FSTL5: variants seen among roughly 807,000 people sequenced by gnomAD.
The protein encoded by FSTL5 is follistatin like 5.
A neutral mutation model predicts 89.1 loss-of-function variants in FSTL5; 62 were observed. The ratio of observed to expected loss-of-function variants is 0.70; its 90% confidence interval spans 0.57 to 0.86. The LOEUF (loss-of-function observed/expected upper bound fraction) is 0.86, where lower values mean the gene tolerates loss of function less well. Ranked by LOEUF, FSTL5 falls within the 40% of genes least tolerant of loss-of-function variation. The pLI is 0.00. For missense variants in FSTL5, 1,057 were observed against 1,001.6 expected (o/e 1.06, Z -0.75); for synonymous variants, 383 against 346.2 (o/e 1.11, Z -1.18).
chr4:161,869,371 T>C (rs1278032949), intron 4 of FSTL5, among the ~76,000 whole-genome samples: 1 of 152,166 alleles, frequency 6.6e-6, no homozygotes, highest in Non-Finnish European at 1.5e-5. Context: ...TTCAGGCAGA[T>C]CCAGATTACT....
At chr4:161,822,872 G>C (rs1187149932) in intron 4 of FSTL5, among the ~76,000 whole-genome samples, 1 of 152,170 alleles carries the variant, frequency 6.6e-6, no homozygotes, top group Non-Finnish European at 1.5e-5. Context: ...GAGTCCCAAG[G>C]TGGTTAGCTC....
At chr4:162,128,185 T>TATAAGTAGTATATAAC (rs1732158576) in intron 1 of FSTL5, among the ~76,000 whole-genome samples, 1 of 152,218 alleles carries the variant, frequency 6.6e-6, no homozygotes, top group Non-Finnish European at 1.5e-5. Flanking sequence ...ATATAACTAA[T>TATAAGTAGTATATAAC]TACTTCTAGT....
Position 161,906,069 on chromosome 4 carries a change from T to C in FSTL5, c.409+14335A>G, listed in dbSNP as rs994060505. On this transcript the variant is annotated intron_variant, in intron 4 of 15. Transcript: ENST00000306100. ...CCAGTTGGAATCAAATCTTCACTGATATCAGGAATAATAACCATACTTTCT... is the reference window on the plus strand; with the variant it reads ...CCAGTTGGAATCAAATCTTCACTGACATCAGGAATAATAACCATACTTTCT... 5.3e-5 allele frequency among the ~76,000 whole-genome samples: 8 copies of C among 152,232 alleles called. 1 individual carries two copies. Among genetic ancestry groups the C allele is most frequent in the Admixed American group, 6.5e-5 (1 of 15,274 alleles).
At chr4:161,507,401 T>G (rs2126495255) in intron 11 of FSTL5, among the ~76,000 whole-genome samples, 1 of 151,882 alleles carries the variant, frequency 6.6e-6, no homozygotes, top group South Asian at 2.1e-4. Context: ...TATTAGTGCA[T>G]GTATATTTAA....
chr4:161,603,963 C>CAATT (rs112466963), intron 7 of FSTL5, among the ~76,000 whole-genome samples: 2,680 of 152,076 alleles, frequency 0.018, 81 homozygotes, highest in African/African-American at 0.062. Flanking sequence ...ACTAATCAAT[C>CAATT]AATTAATTAA....
chr4:161,440,848 G>T (rs2126366890), intron 15 of FSTL5, among the ~76,000 whole-genome samples: 1 of 152,154 alleles, frequency 6.6e-6, no homozygotes, highest in East Asian at 1.9e-4. Context: ...TAGACCAGTG[G>T]CACCCATTGA....
At chr4:161,508,871 T>A (rs2126497402) in intron 11 of FSTL5, among the ~76,000 whole-genome samples, 1 of 152,264 alleles carries the variant, frequency 6.6e-6, no homozygotes, top group Admixed American at 6.5e-5. Flanking sequence ...TCATACAAAT[T>A]TTCCCAGCAA....
chr4:161,738,959 T>A (rs1454886238), intron 6 of FSTL5, among the ~76,000 whole-genome samples: 3 of 152,202 alleles, frequency 2.0e-5, no homozygotes, highest in African/African-American at 7.2e-5. Context: ...AGAAAAATAT[T>A]CTTGTCCAAT....
At position 161,896,159 on chromosome 4, in the gene FSTL5, G is replaced by A. The variant is rs142802729; in HGVS notation, c.409+24245C>T. Reference sequence around the variant, plus strand: ...CATAATGTTTCTAAACTCTCAAAACGACTGCCAATAACTACATAAACCTTT... The same window carrying A: ...CATAATGTTTCTAAACTCTCAAAACAACTGCCAATAACTACATAAACCTTT... On this transcript the variant is annotated intron_variant, in intron 4 of 15. Transcript: ENST00000306100. Among the ~76,000 whole-genome samples the A allele has an allele frequency of 6.1e-3, 931 of 152,100 alleles. 6 individuals are homozygous for A. The highest frequency in any genetic ancestry group is 8.2e-3 in the Non-Finnish European group (560 of 67,994).
At chr4:161,510,322 G>C in intron 11 of FSTL5, 76 bp downstream of exon 11, 1 of 885,394 alleles carries the variant, frequency 1.1e-6, no homozygotes, top group Non-Finnish European at 1.7e-6. Context: ...GGTAATTAAT[G>C]ATACAAAATA....
intron 3 of FSTL5, among the ~76,000 whole-genome samples, chr4:161,983,736 C>A (rs1195874626): frequency 1.3e-5 from 2 of 152,084 alleles, no homozygotes; most frequent in Admixed American, 1.3e-4. Context: ...TTCAATATGT[C>A]TCTCACCAAA....
At chr4:162,153,361 C>T (rs1056066529) in intron 1 of FSTL5, among the ~76,000 whole-genome samples, 4 of 151,754 alleles carry the variant, frequency 2.6e-5, no homozygotes, top group Non-Finnish European at 4.4e-5. Flanking sequence ...ACTCTTATCC[C>T]TTAGTAATAC....
At chr4:161,605,875 G>GC (rs1449884082) in intron 7 of FSTL5, among the ~76,000 whole-genome samples, 4 of 152,250 alleles carry the variant, frequency 2.6e-5, no homozygotes, top group Admixed American at 6.5e-5. Flanking sequence ...TTGACTATGT[G>GC]CTGCGCTGTG....
chr4:161,562,599 A>G (rs1459813541), intron 8 of FSTL5, among the ~76,000 whole-genome samples: 1 of 139,836 alleles, frequency 7.2e-6, no homozygotes, highest in Non-Finnish European at 1.6e-5. Flanking sequence ...ATACTAATAT[A>G]AATGGTTTTT....
chr4:162,072,447 G>A (rs1366126678), intron 2 of FSTL5, among the ~76,000 whole-genome samples: 4 of 151,640 alleles, frequency 2.6e-5, no homozygotes, highest in African/African-American at 7.3e-5. Context: ...AATACTATAA[G>A]GGAAAACATA....
intron 15 of FSTL5, among the ~76,000 whole-genome samples, chr4:161,430,597 G>A (rs77503661): frequency 0.048 from 7,251 of 152,172 alleles, 439 homozygotes; most frequent in East Asian, 0.19. Context: ...AATATTAGCC[G>A]GGCGTGGTAG....
intron 4 of FSTL5, among the ~76,000 whole-genome samples, 168 bp from the exon 5 acceptor site, chr4:161,776,242 T>C (rs971283701): frequency 6.6e-6 from 1 of 152,104 alleles, no homozygotes; most frequent in Non-Finnish European, 1.5e-5. Flanking sequence ...GCTAGTTCCA[T>C]GGTAGGATAG....
intron 4 of FSTL5, among the ~76,000 whole-genome samples, chr4:161,904,650 A>G (rs1329524592): frequency 6.6e-6 from 1 of 151,766 alleles, no homozygotes; most frequent in Admixed American, 6.6e-5. Flanking sequence ...AAAAATCACA[A>G]TAATCCCCCA....
At chr4:162,111,731 C>T (rs1406186226) in intron 1 of FSTL5, among the ~76,000 whole-genome samples, 1 of 151,926 alleles carries the variant, frequency 6.6e-6, no homozygotes, top group Non-Finnish European at 1.5e-5. Flanking sequence ...TTGCATTATA[C>T]TTAATTTTCT....
Sources: gnomAD v4.1 joint callset for allele counts (sites outside exome capture counted in the v4.1 genomes callset) on GRCh38, gnomAD v4.1.1 for gene constraint, MANE v1.5 for transcripts, NCBI Gene and HGNC (gene_info 2026-07-23, HGNC 2026-07-21) for gene names.